The following ARNT2 variants were observed in gnomAD, a reference collection of about 807,000 sequenced individuals.
The protein encoded by ARNT2 is ARNT protein 2.
In ARNT2, 36 loss-of-function variants were observed where a neutral mutation model predicts 91.7. The ratio of observed to expected loss-of-function variants is 0.39; its 90% CI spans 0.30 to 0.52. ARNT2 has a LOEUF of 0.52. Ranked by LOEUF, ARNT2 falls within the 20% of genes least tolerant of loss-of-function variation. The pLI is 0.72. For missense variants in ARNT2, 775 were observed against 939.3 expected (o/e 0.83, Z 2.29); for synonymous variants, 365 against 347.1 (o/e 1.05, Z -0.57).
chr15:80,509,138 C>T (rs1156949225), intron 6 of ARNT2, among the ~76,000 whole-genome samples: 2 of 152,130 alleles, frequency 1.3e-5, no homozygotes, highest in African/African-American at 4.8e-5. Context: ...GCCCGGGAGT[C>T]AATGTTAAGT....
chr15:80,404,611 ACCAGGCGCGCCGGGCGCCC>A lies in ARNT2; in HGVS notation c.31+68_31+86del. The A allele has an allele frequency of 6.0e-6, 6 of 1,005,128 alleles. No individual in the cohort carries two copies. Among genetic ancestry groups the A allele is most frequent in the Non-Finnish European group, 5.9e-6 (5 of 840,390 alleles). The allele number at this position is 1,005,128 out of a possible 1,614,324, so 62.3% of individuals were successfully genotyped here. On this transcript the variant is annotated intron_variant, in intron 1 of 18. Coordinates refer to ENST00000303329, the MANE Select transcript of ARNT2 (RefSeq NM_014862.4). This position sits in a 1 kb window ranked among gnomAD's most constrained non-coding sequence, Gnocchi z 5.5. Reference sequence around the variant, plus strand: ...CAGGCCTTGCCCGGGGCCGGAGCGGACCAGGCGCGCCGGGCGCCCCCGGGGGCGCGGAGCCGCAGCTCGG... The same window carrying A: ...CAGGCCTTGCCCGGGGCCGGAGCGGACCGGGGGCGCGGAGCCGCAGCTCGG...
In ARNT2 at chr15:80,582,405, A is replaced by G. The variant is rs143093737; in HGVS notation, c.1918+1001A>G. On this transcript the variant is annotated intron_variant, in intron 17 of 18. Coordinates refer to ENST00000303329, the MANE Select transcript of ARNT2 (RefSeq NM_014862.4). ...CAGCTACTCAGGAGGCTAAGGTGGG[A>G]GGATCATTTGATCCCAGGAGGTTGA... Among the ~76,000 whole-genome samples, 623 of 151,480 alleles carry G rather than the reference A, an allele frequency of 4.1e-3. 5 individuals are homozygous for G. Among genetic ancestry groups the G allele is most frequent in the Non-Finnish European group, 5.8e-3 (397 of 67,942 alleles).
intron 8 of ARNT2, among the ~76,000 whole-genome samples, chr15:80,542,881 TG>T (rs1265146693): frequency 6.6e-6 from 1 of 151,984 alleles, no homozygotes; most frequent in Non-Finnish European, 1.5e-5. Context: ...TTCCTAAGTA[TG>T]GCAAAAGCGC....
At chr15:80,536,871 T>A (rs1007175625) in intron 8 of ARNT2, among the ~76,000 whole-genome samples, 1 of 152,104 alleles carries the variant, frequency 6.6e-6, no homozygotes, top group Non-Finnish European at 1.5e-5. Context: ...AATTTCCAGA[T>A]GAATGAAGTG....
At chr15:80,411,078 C>T (rs1567172874) in intron 1 of ARNT2, among the ~76,000 whole-genome samples, 1 of 152,202 alleles carries the variant, frequency 6.6e-6, no homozygotes, top group Non-Finnish European at 1.5e-5. Context: ...TAACCATTTT[C>T]CTGTCCAATT....
At position 80,558,376 on chromosome 15, in the gene ARNT2, G is replaced by A. The variant is rs534345391; in HGVS notation, c.1164+3237G>A. On this transcript the variant is annotated intron_variant, in intron 11 of 18. Transcript: ENST00000303329. ...TTTTGAGACGGGGTCTTACTCTGTT[G>A]CCCAGGCTGGAGTGCAGTAGTGGCA... Among the ~76,000 whole-genome samples, 7 of 116,650 alleles carry A rather than the reference G, an allele frequency of 6.0e-5. No individual in the cohort carries two copies. The South Asian group carries it at 1.7e-3, about 29-fold the overall frequency. 76.5% of individuals were successfully genotyped at this position (116,650 alleles called of 152,430 possible).
chr15:80,502,587 G>A (rs1243097592), intron 5 of ARNT2, among the ~76,000 whole-genome samples: 2 of 152,178 alleles, frequency 1.3e-5, no homozygotes, highest in Non-Finnish European at 2.9e-5. Context: ...AGGGCTTCGG[G>A]GACTGAGGAA....
chr15:80,549,568 G>A (rs1052060307), intron 8 of ARNT2, among the ~76,000 whole-genome samples: 1 of 152,104 alleles, frequency 6.6e-6, no homozygotes, highest in African/African-American at 2.4e-5. Flanking sequence ...TAAAAAACAA[G>A]ATATAAAAAA....
chr15:80,470,120 G>T (rs1896712121), intron 3 of ARNT2, 98 bp from the exon 4 acceptor site: 7 of 1,256,018 alleles, frequency 5.6e-6, no homozygotes, highest in South Asian at 1.4e-5. Context: ...CCTAGTTCCT[G>T]GTCATTTGGT....
chr15:80,422,508 A>C (rs1017849375), intron 1 of ARNT2, among the ~76,000 whole-genome samples: 1 of 152,240 alleles, frequency 6.6e-6, no homozygotes, highest in South Asian at 2.1e-4. Context: ...ACATTTTTAG[A>C]TAAAAATTTG....
rs565941145 is a variant in ARNT2 at position 80,519,936 on chromosome 15, G to A, written c.877+5531G>A. On this transcript the variant is annotated intron_variant, in intron 8 of 18. Transcript: ENST00000303329. ...GATGGTCTTGATCTCCTGACCTCATGCTCCGCCCGCTTTGGCCTCCCAAAG... is the reference window on the plus strand; with the variant it reads ...GATGGTCTTGATCTCCTGACCTCATACTCCGCCCGCTTTGGCCTCCCAAAG... Among the ~76,000 whole-genome samples the A allele has an allele frequency of 1.5e-4, 22 of 145,618 alleles. No individual in the cohort carries two copies. The East Asian group carries it at 4.4e-3, about 29-fold the overall frequency.
chr15:80,498,408 T>A (rs980771151), intron 5 of ARNT2, among the ~76,000 whole-genome samples: 1 of 152,188 alleles, frequency 6.6e-6, no homozygotes, highest in Non-Finnish European at 1.5e-5. Flanking sequence ...GCTACCACTT[T>A]AAAAACAGTG....
intron 8 of ARNT2, among the ~76,000 whole-genome samples, chr15:80,528,446 A>G (rs952031458): frequency 1.1e-4 from 16 of 151,816 alleles, no homozygotes; most frequent in African/African-American, 3.4e-4. Flanking sequence ...CTATCTACCT[A>G]TCTGTCATCT....
chr15:80,529,499 G>A (rs933433384), intron 8 of ARNT2, among the ~76,000 whole-genome samples: 1 of 149,262 alleles, frequency 6.7e-6, no homozygotes, highest in African/African-American at 2.5e-5. Context: ...TAGATAGCCT[G>A]TTTTTCTTTT....
At chr15:80,584,286 A>G (rs867441535) in intron 17 of ARNT2, among the ~76,000 whole-genome samples, 1 of 152,170 alleles carries the variant, frequency 6.6e-6, no homozygotes, top group African/African-American at 2.4e-5. Flanking sequence ...AGGGGCCTGG[A>G]AAATGGGTGG....
chr15:80,544,458 T>G (rs1897959642), intron 8 of ARNT2, among the ~76,000 whole-genome samples: 2 of 152,236 alleles, frequency 1.3e-5, no homozygotes, highest in African/African-American at 4.8e-5. Context: ...GCATTTGTTT[T>G]GTTTTTTTCT....
At chr15:80,559,754 C>T (rs778326544) in intron 11 of ARNT2, among the ~76,000 whole-genome samples, 8 of 152,156 alleles carry the variant, frequency 5.3e-5, no homozygotes, top group African/African-American at 1.2e-4. Flanking sequence ...CCATCTCCCC[C>T]GTCTCCTCTC....
chr15:80,564,129 A>T (rs1321652194), intron 12 of ARNT2, among the ~76,000 whole-genome samples: 1 of 152,234 alleles, frequency 6.6e-6, no homozygotes, highest in African/African-American at 2.4e-5. Context: ...TGAGGCTGGC[A>T]TCCGGAGAAC....
intron 5 of ARNT2, among the ~76,000 whole-genome samples, chr15:80,476,009 C>T (rs1896798204): frequency 6.6e-6 from 1 of 152,180 alleles, no homozygotes; most frequent in Non-Finnish European, 1.5e-5. Context: ...AGAAGAACAA[C>T]ACTCAATAAT....
Sources: allele counts gnomAD v4.1 joint callset (sites outside exome capture counted in the v4.1 genomes callset), GRCh38; gene constraint gnomAD v4.1.1; non-coding constraint Gnocchi (gnomAD v3.1); transcripts MANE v1.5; gene names NCBI Gene and HGNC (gene_info 2026-07-23, HGNC 2026-07-21).